NRXN1: variants seen among roughly 807,000 people sequenced by gnomAD.
The protein encoded by NRXN1 is neurexin-1.
NRXN1 carries 39 observed loss-of-function variants against 150.9 expected under a neutral mutation model. The observed-to-expected ratio is 0.26, with a 90% confidence interval of 0.20 to 0.34. NRXN1 has a LOEUF of 0.34. NRXN1 is among the 10% of genes least tolerant of loss of function. The probability of loss-of-function intolerance (pLI) is 1.00; values close to 1 mark genes in which losing one functional copy is unlikely to be tolerated. For synonymous variants in NRXN1, 924 were observed against 757.0 expected, an observed-to-expected ratio of 1.22 and a Z score of -3.62; for missense variants, 1,815 against 1,949.9, an observed-to-expected ratio of 0.93 and a Z score of 1.30.
chr2:50,510,792 A>C (rs2092424763), intron 12 of NRXN1, among the ~76,000 whole-genome samples: 1 of 152,154 alleles, frequency 6.6e-6, no homozygotes, highest in Admixed American at 6.5e-5. Flanking sequence ...TGTGTTTTCC[A>C]CAGAAAATGA....
chr2:50,174,466 G>A (rs2152804308), intron 18 of NRXN1, among the ~76,000 whole-genome samples: 1 of 152,220 alleles, frequency 6.6e-6, no homozygotes, highest in South Asian at 2.1e-4. Flanking sequence ...TTCAAAAGCT[G>A]CTATTAAAAA....
chr2:50,777,994 G>C (rs982739709), intron 5 of NRXN1, among the ~76,000 whole-genome samples: 1 of 152,142 alleles, frequency 6.6e-6, no homozygotes, highest in Non-Finnish European at 1.5e-5. Flanking sequence ...GCAGGTCTCT[G>C]AACAAGACCT....
chr2:50,032,947 TACACACACACAC>T (rs147067435), intron 21 of NRXN1, among the ~76,000 whole-genome samples: 2 of 150,242 alleles, frequency 1.3e-5, no homozygotes, highest in African/African-American at 4.9e-5. Flanking sequence ...AATACACACA[TACACACACACAC>T]ACGCCCCCAT....
chr2:50,692,848 AT>A (rs1449747249), intron 5 of NRXN1, among the ~76,000 whole-genome samples: 1 of 152,138 alleles, frequency 6.6e-6, no homozygotes, highest in Non-Finnish European at 1.5e-5. Context: ...TTCTTCATCT[AT>A]CAGTCAAAAT....
At chr2:50,330,372 T>C (rs2076757261) in intron 17 of NRXN1, among the ~76,000 whole-genome samples, 1 of 152,190 alleles carries the variant, frequency 6.6e-6, no homozygotes, top group Non-Finnish European at 1.5e-5. Context: ...CTAAATGCCT[T>C]AAAGAGTTCG....
At chr2:50,013,011 G>A (rs541235719) in intron 21 of NRXN1, among the ~76,000 whole-genome samples, 175 of 151,998 alleles carry the variant, frequency 1.2e-3, no homozygotes, top group Non-Finnish European at 2.0e-3. Context: ...ACCTGCTTGG[G>A]ATCTGATCTG....
intron 5 of NRXN1, among the ~76,000 whole-genome samples, chr2:50,762,882 C>G (rs1309563932): frequency 6.6e-6 from 1 of 151,924 alleles, no homozygotes. Context: ...TTCTAAGTGT[C>G]AGCCAGCCCT....
At chr2:50,351,115 C>G (rs6545165) in intron 17 of NRXN1, among the ~76,000 whole-genome samples, 87,229 of 152,060 alleles carry the variant, frequency 0.57, 27,281 homozygotes, top group East Asian at 0.92. Flanking sequence ...TCTTCAGCTA[C>G]TCAGTCTTTG....
intron 17 of NRXN1, among the ~76,000 whole-genome samples, chr2:50,265,990 T>C (rs915601837): frequency 3.1e-5 from 3 of 98,138 alleles, no homozygotes; most frequent in Non-Finnish European, 6.3e-5. Context: ...ATTATTATTA[T>C]TATTATTATT....
chr2:50,014,527 A>G (rs2152550327), intron 21 of NRXN1, among the ~76,000 whole-genome samples: 1 of 152,244 alleles, frequency 6.6e-6, no homozygotes, highest in East Asian at 1.9e-4. Flanking sequence ...CCACACAACC[A>G]CAAGTTGTGA....
chr2:50,083,935 G>A (rs867299773), intron 19 of NRXN1, among the ~76,000 whole-genome samples: 4 of 152,190 alleles, frequency 2.6e-5, no homozygotes, highest in Middle Eastern at 6.8e-3. Flanking sequence ...GACACAGAGC[G>A]CAGATTGGTG....
At chr2:49,985,365 T>C (rs1441021242) in intron 21 of NRXN1, among the ~76,000 whole-genome samples, 4 of 152,232 alleles carry the variant, frequency 2.6e-5, no homozygotes, top group South Asian at 2.1e-4. Flanking sequence ...CTATATTTAA[T>C]GAAGACCAAA....
chr2:50,935,520 A>G (rs946521219), intron 2 of NRXN1, among the ~76,000 whole-genome samples: 1 of 152,184 alleles, frequency 6.6e-6, no homozygotes, highest in Non-Finnish European at 1.5e-5. Context: ...AGATCACTTG[A>G]GGTCAGCAGT....
intron 13 of NRXN1, among the ~76,000 whole-genome samples, chr2:50,502,134 A>T (rs1453524132): frequency 6.6e-6 from 1 of 152,098 alleles, no homozygotes; most frequent in East Asian, 1.9e-4. Flanking sequence ...GTAAATCAAG[A>T]CTGAATTATT....
rs368519384 is a variant in NRXN1, at chr2:50,294,284, C to A, written c.3365-57314G>T. Among the ~76,000 whole-genome samples the A allele has an allele frequency of 7.2e-5, 11 of 152,142 alleles. No individual in the cohort carries two copies. The East Asian group carries it at 7.7e-4, about 11-fold the overall frequency. On this transcript the variant is annotated intron_variant, in intron 17 of 22. Coordinates refer to ENST00000401669, the MANE Select transcript of NRXN1 (RefSeq NM_001330078.2). ...ATCTGTATAGCAGTGTACATTGTGT[C>A]TAAGTCTTATTTTTTAGGAATTGCT...
intron 5 of NRXN1, among the ~76,000 whole-genome samples, chr2:50,656,162 T>C (rs719645): frequency 0.27 from 40,999 of 151,764 alleles, 5,743 homozygotes; most frequent in African/African-American, 0.34. Context: ...TCCTCAGACT[T>C]ACCCCACCTC....
At chr2:50,270,671 T>A (rs897715935) in intron 17 of NRXN1, among the ~76,000 whole-genome samples, 1 of 116,126 alleles carries the variant, frequency 8.6e-6, no homozygotes, top group Non-Finnish European at 1.7e-5. Context: ...CATATAGATA[T>A]AGTTTTTTTT....
At chr2:50,835,952 A>G (rs185252723) in intron 5 of NRXN1, among the ~76,000 whole-genome samples, 1 of 152,204 alleles carries the variant, frequency 6.6e-6, no homozygotes, top group South Asian at 2.1e-4. Flanking sequence ...TCACATGTTA[A>G]ATGAGGATAA....
intron 12 of NRXN1, chr2:50,526,747 A>G (rs1266873901): frequency 6.6e-6 from 1 of 152,210 alleles, no homozygotes; most frequent in Admixed American, 6.5e-5. Context: ...TGTCAAGTTA[A>G]GGAATGTGCA....
Sources: gnomAD v4.1 joint callset for allele counts (sites outside exome capture counted in the v4.1 genomes callset) on GRCh38, gnomAD v4.1.1 for gene constraint, MANE v1.5 for transcripts, NCBI Gene and HGNC (gene_info 2026-07-23, HGNC 2026-07-21) for gene names.